Variants in KPNB1 observed in about 807,000 individuals in gnomAD.
KPNB1 encodes importin subunit beta-1.
A neutral mutation model predicts 113.0 loss-of-function variants in KPNB1; 7 were observed. That is an observed-to-expected ratio of 0.06 (90% CI 0.04 to 0.12). The LOEUF is 0.12. KPNB1 is among the 10% of genes least tolerant of loss of function. The pLI is 1.00. For missense variants in KPNB1, 400 were observed against 1,054.8 expected (o/e 0.38, Z 8.60); for synonymous variants, 363 against 378.6 (o/e 0.96, Z 0.48).
Position 47,650,146 on chromosome 17 carries a change from C to CT in KPNB1, c.-97dup. On this transcript the variant is annotated 5_prime_UTR_variant, in exon 1 of 22. Transcript: ENST00000290158. ...ACCCCCGCCCCCCACCCCACCCTCCCTTCCCACCCGACCCCCAACCCCCAT... is the reference window on the plus strand; with the variant it reads ...ACCCCCGCCCCCCACCCCACCCTCCCTTTCCCACCCGACCCCCAACCCCCAT... 1 of 974,244 alleles carries CT rather than the reference C, an allele frequency of 1.0e-6. No individual in the cohort carries two copies. The highest frequency in any genetic ancestry group is 1.3e-6 in the Non-Finnish European group (1 of 773,642). 60.3% of individuals were successfully genotyped at this position (974,244 alleles called of 1,614,324 possible).
At chr17:47,675,375 T>TTTTTTTTTTTTTTTTTTTTC (rs2030580281) in intron 15 of KPNB1, among the ~76,000 whole-genome samples, 1 of 119,490 alleles carries the variant, frequency 8.4e-6, no homozygotes, top group Non-Finnish European at 1.7e-5. Flanking sequence ...TTTTTTTGTT[T>TTTTTTTTTTTTTTTTTTTTC]TTTTTTTTTG....
chr17:47,663,493 G>A (rs930514715), intron 7 of KPNB1, among the ~76,000 whole-genome samples: 3 of 152,052 alleles, frequency 2.0e-5, no homozygotes, highest in Admixed American at 6.5e-5. Context: ...GTGAAACCCC[G>A]TCTATACTGA....
At chr17:47,664,907 A>C in intron 8 of KPNB1, 150 bp from the exon 9 acceptor site, 1 of 641,862 alleles carries the variant, frequency 1.6e-6, no homozygotes, top group African/African-American at 1.8e-5. Flanking sequence ...AGACCAAAAA[A>C]TTAGCACTTT....
chr17:47,652,027 T>C (rs1215293564), intron 2 of KPNB1, among the ~76,000 whole-genome samples: 1 of 152,208 alleles, frequency 6.6e-6, no homozygotes, highest in African/African-American at 2.4e-5. Context: ...TTTCTAAATA[T>C]CTTATCACTT....
Position 47,669,564 on chromosome 17 carries a change from T to C in KPNB1, c.1225-114T>C, listed in dbSNP as rs368543112. ...ACCATGTCCTGTAAAATTACAGAAG[T>C]ATCTTGGTGACTTTTTTGAGTTAAG... On this transcript the variant is annotated intron_variant, in intron 10 of 21. Coordinates refer to ENST00000290158, the MANE Select transcript of KPNB1 (RefSeq NM_002265.6). The C allele has an allele frequency of 8.0e-5, 54 of 675,266 alleles. 2 individuals are homozygous for C. Among genetic ancestry groups the C allele is most frequent in the East Asian group, 6.4e-4 (25 of 39,290 alleles). 41.8% of individuals were successfully genotyped at this position (675,266 alleles called of 1,614,324 possible). A position where few individuals can be genotyped will look rare whatever the true frequency, so the allele number is the denominator to read the frequency against.
intron 6 of KPNB1, chr17:47,662,172 C>T (rs2030121483): frequency 6.6e-6 from 1 of 152,116 alleles, no homozygotes; most frequent in South Asian, 2.1e-4. Flanking sequence ...TTTACAGGCG[C>T]ATGTCTGTAA....
rs2029980666 is a variant in KPNB1, at chr17:47,658,675, A to G, written c.636+15A>G. ...TTGATAAAGAGGTAAGTTTTTTGAC[A>G]ATAAGGTATAGATTCAGACAGTAAG... On this transcript the variant is annotated intron_variant, in intron 5 of 21. Transcript: ENST00000290158. The G allele has an allele frequency of 5.0e-6, 8 of 1,608,978 alleles. No homozygotes were observed. The highest frequency in any genetic ancestry group is 2.2e-5 in the East Asian group (1 of 44,830).
At chr17:47,664,021 C>T (rs1428011895) in intron 7 of KPNB1, 138 bp from the exon 8 acceptor site, 4 of 588,040 alleles carry the variant, frequency 6.8e-6, no homozygotes, top group Non-Finnish European at 1.2e-5. Flanking sequence ...CTTTCTTTTC[C>T]TATCTTTTCT....
chr17:47,649,958 C>T lies in KPNB1; in HGVS notation c.-287C>T, dbSNP rs1015214297. The T allele has an allele frequency of 2.5e-5, 33 of 1,322,772 alleles. No homozygotes were observed. The African/African-American group carries it at 3.7e-4, about 15-fold the overall frequency. 81.9% of individuals were successfully genotyped at this position (1,322,772 alleles called of 1,614,324 possible). A position where few individuals can be genotyped will look rare whatever the true frequency, so the allele number is the denominator to read the frequency against. ...CGCCTCTCACTCACAGCCTCCCTTC[C>T]TTCTTTCTCCCTCCGCCTCCCGAGC... On this transcript the variant is annotated 5_prime_UTR_variant, in exon 1 of 22. Transcript: ENST00000290158.
Position 47,670,780 on chromosome 17 carries a change from T to C in KPNB1, c.1495T>C (p.Leu499=). 1 of 1,613,100 alleles carries C rather than the reference T, an allele frequency of 6.2e-7. No individual in the cohort carries two copies. Among genetic ancestry groups the C allele is most frequent in the Non-Finnish European group, 8.5e-7 (1 of 1,179,048 alleles). Residue 499 remains leucine, a synonymous_variant, in exon 12 of 22, where the codon TTA becomes CTA. Coordinates refer to ENST00000290158, the MANE Select transcript of KPNB1 (RefSeq NM_002265.6). The stretch of plus-strand genomic sequence containing the variant: ...TCAGGAAGAACCAGCTACTTACTGC[T>C]TATCTTCTTCATTTGAACTCATAGT... ...DDQEEPATYC[L]SSSFELIVQK...
At chr17:47,650,801 C>T (rs1045441170) in intron 2 of KPNB1, among the ~76,000 whole-genome samples, 3 of 152,166 alleles carry the variant, frequency 2.0e-5, no homozygotes, top group Admixed American at 2.0e-4. Flanking sequence ...GGAGTCGGGC[C>T]TAGGGGCCAT....
In KPNB1 at chr17:47,664,188, T is replaced by C. The variant is rs935294033; in HGVS notation, c.816T>C (p.Ile272=). Residue 272 remains isoleucine, a synonymous_variant, in exon 8 of 22, where the codon ATT becomes ATC. Transcript: ENST00000290158. ...CAATCGAAGCAATGAAAAGTGACAT[T>C]GATGAGGTGGCTTTACAAGGGATAG... ...AITIEAMKSD[I]DEVALQGIEF... is the part of the protein sequence containing the mutation. The C allele has an allele frequency of 1.2e-6, 2 of 1,613,412 alleles. No homozygotes were observed. Among genetic ancestry groups the C allele is most frequent in the Admixed American group, 1.7e-5 (1 of 59,986 alleles).
Position 47,685,426 on chromosome 17 carries a change from T to C in KPNB1, c.*3022T>C, listed in dbSNP as rs1483299100. Reference sequence around the variant, plus strand: ...ATGGCATTTAAGACCTGTAAAACACTTGAGCCCAACTCGATTAACCAAAAC... The same window carrying C: ...ATGGCATTTAAGACCTGTAAAACACCTGAGCCCAACTCGATTAACCAAAAC... On this transcript the variant is annotated 3_prime_UTR_variant, in exon 22 of 22. Transcript: ENST00000290158. The C allele has an allele frequency of 6.6e-6, 1 of 152,206 alleles. No homozygotes were observed. The highest frequency in any genetic ancestry group is 1.5e-5 in the Non-Finnish European group (1 of 68,032). The allele number at this position is 152,206 out of a possible 1,614,324, so 9.4% of individuals were successfully genotyped here.
chr17:47,675,019 C>A (rs1186795147), intron 15 of KPNB1, among the ~76,000 whole-genome samples: 1 of 152,096 alleles, frequency 6.6e-6, no homozygotes, highest in Non-Finnish European at 1.5e-5. Flanking sequence ...GGAGTTTCGC[C>A]ATGTTGCCCA....
rs1555619980 is a variant in KPNB1, at chr17:47,683,108, A to AAC, written c.*705_*706insCA. 2.7e-5 allele frequency: 4 copies of AAC among 147,584 alleles called. No homozygotes were observed. Among genetic ancestry groups the AAC allele is most frequent in the African/African-American group, 7.4e-5 (3 of 40,420 alleles). The allele number at this position is 147,584 out of a possible 1,614,324, so 9.1% of individuals were successfully genotyped here. On this transcript the variant is annotated 3_prime_UTR_variant, in exon 22 of 22. Coordinates refer to ENST00000290158, the MANE Select transcript of KPNB1 (RefSeq NM_002265.6). ...AGAGATGTAAAAAAAAAAAAAAAAAAAAAAAAAAAAACACACACACAGAGG... is the reference window on the plus strand; with the variant it reads ...AGAGATGTAAAAAAAAAAAAAAAAAAACAAAAAAAAAAACACACACACAGAGG...
At chr17:47,663,406 G>C (rs970782318) in intron 7 of KPNB1, among the ~76,000 whole-genome samples, 1 of 152,204 alleles carries the variant, frequency 6.6e-6, no homozygotes, top group African/African-American at 2.4e-5. Flanking sequence ...GCTAACGCCT[G>C]TAATCCCAGC....
At position 47,682,542 on chromosome 17, in the gene KPNB1, C is replaced by T; in HGVS notation, c.*138C>T. ...TGAGTGAGTGAGGCTTGAAAACACA[C>T]CACATTGAAAATCCTGCCACAGCAG... On this transcript the variant is annotated 3_prime_UTR_variant, in exon 22 of 22. Transcript: ENST00000290158. The T allele has an allele frequency of 2.9e-6, 2 of 694,832 alleles. No homozygotes were observed. The highest frequency in any genetic ancestry group is 2.6e-5 in the East Asian group (1 of 39,014). The allele number at this position is 694,832 out of a possible 1,614,324, so 43.0% of individuals were successfully genotyped here.
chr17:47,665,962 C>T (rs1341001466), intron 9 of KPNB1, among the ~76,000 whole-genome samples: 3 of 152,200 alleles, frequency 2.0e-5, no homozygotes, highest in African/African-American at 7.2e-5. Flanking sequence ...ATAGCAGTTT[C>T]AAAAGCTAAG....
At chr17:47,665,292 T>C in intron 9 of KPNB1, 134 bp downstream of exon 9, 1 of 687,860 alleles carries the variant, frequency 1.5e-6, no homozygotes. Context: ...TAGAAACAGC[T>C]AAGCTGCATC....
Sources: gnomAD v4.1 joint callset for allele counts (sites outside exome capture counted in the v4.1 genomes callset) on GRCh38, gnomAD v4.1.1 for gene constraint, MANE v1.5 for transcripts, NCBI Gene and HGNC (gene_info 2026-07-23, HGNC 2026-07-21) for gene names.